Variants in C19orf47 observed in about 807,000 individuals in gnomAD.
The protein encoded by C19orf47 is uncharacterized protein C19orf47.
Under a neutral mutation model 32.3 loss-of-function variants are expected in C19orf47, and 18 were observed. That is an observed-to-expected ratio of 0.56 (90% CI 0.39 to 0.83). C19orf47 has a LOEUF of 0.83. C19orf47 is among the 40% of genes least tolerant of loss of function. C19orf47 has a pLI of 0.00. For missense variants in C19orf47, 484 were observed against 531.6 expected (o/e 0.91, Z 0.88); for synonymous variants, 202 against 211.1 (o/e 0.96, Z 0.37).
At chr19:40,314,213 A>C in the C19orf47 span, among the ~76,000 whole-genome samples, 9 of 152,328 alleles carry the variant, frequency 5.9e-5, no homozygotes, top group Admixed American at 5.9e-4. Flanking sequence ...AGATCAACTG[A>C]GGTCAGAAGT....
chr19:40,324,406 T>C (rs2077786025), intron 7 of C19orf47: 1 of 374,678 alleles, frequency 2.7e-6, no homozygotes, highest in Non-Finnish European at 4.9e-6. Context: ...GAGAATCTGA[T>C]GAGTGGTAGT....
chr19:40,333,856 G>A lies in C19orf47; in HGVS notation c.296C>T (p.Thr99Ile), dbSNP rs756496263. 19 of 1,571,596 alleles carry A rather than the reference G, an allele frequency of 1.2e-5. No homozygotes were observed. The Admixed American group carries it at 1.9e-4, about 15-fold the overall frequency. Residue 99 changes from threonine to isoleucine, a missense_variant, in exon 5 of 9, where the codon ACC (threonine) becomes ATC (isoleucine). Coordinates refer to ENST00000683109, the MANE Select transcript of C19orf47 (RefSeq NM_001256441.2). Reference protein sequence around the residue: ...SPLAGEIRRGTSAASRMITNS... With the variant: ...SPLAGEIRRGISAASRMITNS... ...CCTGAATAGTTAGGACTCACCACTG[G>A]TGCCACGGCGAATTTCGCCTGCAAG...
At chr19:40,301,549 T>C in the C19orf47 span, among the ~76,000 whole-genome samples, 2 of 151,150 alleles carry the variant, frequency 1.3e-5, no homozygotes, top group Non-Finnish European at 2.9e-5. Flanking sequence ...GCCATGTTGG[T>C]CAGGCTGGTC....
At chr19:40,300,114 C>T in the C19orf47 span, among the ~76,000 whole-genome samples, 3 of 152,166 alleles carry the variant, frequency 2.0e-5, no homozygotes, top group South Asian at 2.1e-4. Flanking sequence ...TGATGCTAAA[C>T]GTTTATATTT....
the C19orf47 span, among the ~76,000 whole-genome samples, chr19:40,302,357 C>T: frequency 1.3e-5 from 2 of 152,150 alleles, no homozygotes; most frequent in Non-Finnish European, 2.9e-5. Context: ...CTCCACCCCC[C>T]AGGCTCAGAT....
chr19:40,323,901 A>G, intron 8 of C19orf47, 105 bp downstream of exon 8: 1 of 1,388,968 alleles, frequency 7.2e-7, no homozygotes, highest in Non-Finnish European at 1.0e-6. Context: ...GGCAGGTTAG[A>G]CGGCCCTGGG....
In C19orf47 at chr19:40,336,207, A is replaced by T; in HGVS notation, c.125T>A (p.Leu42Gln). ...FVDNRIQKSM[L>Q]LDLNKEIMNE... ...CATTATCTCCTTATTGAGATCCAGC[A>T]GCATGCTCTTCTGAATCCTGCAGGG... Residue 42 changes from leucine (L) to glutamine (Q), a missense_variant, in exon 4 of 9, where the codon CTG becomes CAG. Around this residue, in one of 3 missense-constraint regions of C19orf47, gnomAD observed 57 missense variants for 86.9 expected, o/e 0.66. Coordinates refer to ENST00000683109, the MANE Select transcript of C19orf47 (RefSeq NM_001256441.2). 6.2e-7 allele frequency: 1 copy of T among 1,614,238 alleles called. No individual in the cohort carries two copies. Among genetic ancestry groups the T allele is most frequent in the Non-Finnish European group, 8.5e-7 (1 of 1,180,044 alleles).
chr19:40,347,071 C>T (rs1372731510), intron 1 of C19orf47, among the ~76,000 whole-genome samples: 1 of 152,146 alleles, frequency 6.6e-6, no homozygotes, highest in East Asian at 1.9e-4. Context: ...CAGGGAATCA[C>T]ACAGTACAGG....
chr19:40,343,795 ATT>A (rs57699777), intron 1 of C19orf47: 31 of 135,830 alleles, frequency 2.3e-4, no homozygotes, highest in South Asian at 2.4e-4. Flanking sequence ...CTTCTGCTCA[ATT>A]TTTTTTTTTT....
chr19:40,307,292 A>G, the C19orf47 span, among the ~76,000 whole-genome samples: 50,046 of 151,118 alleles, frequency 0.33, 10,447 homozygotes, highest in African/African-American at 0.6. Flanking sequence ...TCTGTGTTTC[A>G]CCATGTTGGC....
chr19:40,338,290 C>CACACACAA (rs933172431), intron 2 of C19orf47, among the ~76,000 whole-genome samples: 1 of 135,662 alleles, frequency 7.4e-6, no homozygotes, highest in Non-Finnish European at 1.7e-5. Context: ...CACACACACA[C>CACACACAA]AAATATATAT....
intron 7 of C19orf47, among the ~76,000 whole-genome samples, chr19:40,326,124 G>A (rs8103643): frequency 0.97 from 148,319 of 152,338 alleles, 72,231 homozygotes; most frequent in African/African-American, 0.99. Flanking sequence ...GGTGCCAAGG[G>A]GCCCAGCTAC....
chr19:40,336,203 C>T lies in C19orf47; in HGVS notation c.129G>A (p.Leu43=), dbSNP rs749015466. The change falls in exon 4 of 9, where the codon CTG becomes CTA. Residue 43 remains leucine (L), a synonymous_variant. Coordinates refer to ENST00000683109, the MANE Select transcript of C19orf47 (RefSeq NM_001256441.2). ...CATTCATTATCTCCTTATTGAGATC[C>T]AGCAGCATGCTCTTCTGAATCCTGC... ...VDNRIQKSML[L]DLNKEIMNEL... 1.9e-6 allele frequency: 3 copies of T among 1,614,242 alleles called. No homozygotes were observed. The highest frequency in any genetic ancestry group is 1.1e-5 in the South Asian group (1 of 91,088).
intron 1 of C19orf47, chr19:40,342,123 A>G (rs1055822179): frequency 1.1e-6 from 1 of 890,818 alleles, no homozygotes; most frequent in South Asian, 5.1e-5. Flanking sequence ...AGCTCCATTC[A>G]CACACACCCC....
At chr19:40,311,037 A>C in the C19orf47 span, among the ~76,000 whole-genome samples, 1 of 152,134 alleles carries the variant, frequency 6.6e-6, no homozygotes, top group Non-Finnish European at 1.5e-5. Flanking sequence ...CAGGACTTCA[A>C]GACCAACGTG....
intron 2 of C19orf47, among the ~76,000 whole-genome samples, chr19:40,338,247 G>A (rs960238236): frequency 1.2e-4 from 16 of 129,196 alleles, no homozygotes; most frequent in African/African-American, 3.7e-4. Context: ...CTAATTTTTT[G>A]TATATATATA....
chr19:40,336,361 T>C lies in C19orf47; in HGVS notation c.66A>G (p.Pro22=). 6.2e-7 allele frequency: 1 copy of C among 1,614,178 alleles called. No individual in the cohort carries two copies. Among genetic ancestry groups the C allele is most frequent in the Non-Finnish European group, 8.5e-7 (1 of 1,180,020 alleles). ...TCACGGCATAATTGACGGCAGGTCC[T>C]GGAGGAATGCCGGCTTCCTTAAAGA... ...IQFFKEAGIP[P]GPAVNYAVMF... The change falls in exon 3 of 9, where the codon CCA becomes CCG. Residue 22 remains proline (P), a synonymous_variant. Coordinates refer to ENST00000683109, the MANE Select transcript of C19orf47 (RefSeq NM_001256441.2).
At chr19:40,330,727 T>C (rs2077935819) in intron 5 of C19orf47, among the ~76,000 whole-genome samples, 1 of 151,578 alleles carries the variant, frequency 6.6e-6, no homozygotes. Context: ...TCTCACTATG[T>C]TGCCCAGGCT....
At chr19:40,309,891 A>C in the C19orf47 span, among the ~76,000 whole-genome samples, 5 of 152,140 alleles carry the variant, frequency 3.3e-5, no homozygotes, top group Admixed American at 6.6e-5. Flanking sequence ...GGATGTGGAG[A>C]AAATGGGACC....
Sources: allele counts gnomAD v4.1 joint callset (sites outside exome capture counted in the v4.1 genomes callset), GRCh38; gene constraint gnomAD v4.1.1; regional missense constraint gnomAD v4.1.1; transcripts MANE v1.5; gene names NCBI Gene and HGNC (gene_info 2026-07-23, HGNC 2026-07-21).